The following PARD3 variants were observed in gnomAD, a reference collection of about 807,000 sequenced individuals.
The protein encoded by PARD3 is par-3 family cell polarity regulator.
PARD3 carries 75 observed loss-of-function variants against 155.4 expected under a neutral mutation model. The observed-to-expected ratio is 0.48, with a 90% CI of 0.40 to 0.58. PARD3 has a LOEUF of 0.58. Ranked by LOEUF, PARD3 falls within the 20% of genes least tolerant of loss-of-function variation. The pLI, the probability that PARD3 is intolerant of heterozygous loss-of-function variation, is 0.00. For synonymous variants in PARD3, 576 were observed against 610.5 expected (o/e 0.94, Z 0.83); for missense variants, 1,642 against 1,721.7 (o/e 0.95, Z 0.82).
At chr10:34,365,112 A>C (rs909857421) in intron 12 of PARD3, among the ~76,000 whole-genome samples, 4 of 152,258 alleles carry the variant, frequency 2.6e-5, no homozygotes, top group Non-Finnish European at 5.9e-5. Context: ...ATGCTTACCT[A>C]AACCTTCTAC....
At chr10:34,362,725 GC>G (rs1839574015) in intron 12 of PARD3, among the ~76,000 whole-genome samples, 1 of 152,188 alleles carries the variant, frequency 6.6e-6, no homozygotes, top group South Asian at 2.1e-4. Context: ...AGACTCCTGG[GC>G]TCAAGCAATC....
rs113546560 is a variant in PARD3, at chr10:34,202,307, A to C, written c.3419+67350T>G. Reference sequence around the variant, plus strand: ...AGGCTGGTCTTGAACTCTTGGCTTCAAGCAATCCTCCAGCCTTGGCCTCCC... The same window carrying C: ...AGGCTGGTCTTGAACTCTTGGCTTCCAGCAATCCTCCAGCCTTGGCCTCCC... On this transcript the variant is annotated intron_variant, in intron 22 of 24. Transcript: ENST00000374788. 8.5e-3 allele frequency among the ~76,000 whole-genome samples: 1,289 copies of C among 152,360 alleles called. 25 individuals are homozygous for C. Among genetic ancestry groups the C allele is most frequent in the African/African-American group, 0.029 (1,219 of 41,584 alleles).
rs200732960 is a variant in PARD3 at position 34,298,072 on chromosome 10, G to GTAAAATGTAA, written c.3066-13837_3066-13828dup. Among the ~76,000 whole-genome samples, 157 of 152,248 alleles carry GTAAAATGTAA rather than the reference G, an allele frequency of 1.0e-3. 4 individuals carry two copies. In the East Asian group the frequency reaches 0.025, roughly 24 times the overall value. ...TCTTTAAACCTCAATTTCCTCTTTG[G>GTAAAATGTAA]TAAAATGTAACCATCCTCACAGATT... On this transcript the variant is annotated intron_variant, in intron 20 of 24. Transcript: ENST00000374788.
chr10:34,569,261 G>T (rs2086194357), intron 2 of PARD3, among the ~76,000 whole-genome samples: 1 of 152,112 alleles, frequency 6.6e-6, no homozygotes, highest in South Asian at 2.1e-4. Flanking sequence ...GTTTGGGGAG[G>T]AAATGTTCAT....
intron 20 of PARD3, among the ~76,000 whole-genome samples, chr10:34,286,369 A>G (rs1262190497): frequency 1.3e-5 from 2 of 150,572 alleles, no homozygotes; most frequent in African/African-American, 2.4e-5. Flanking sequence ...ACGAATTAGC[A>G]TATAACAACA....
chr10:34,686,851 C>T (rs1393441971), intron 2 of PARD3, among the ~76,000 whole-genome samples: 2 of 151,928 alleles, frequency 1.3e-5, no homozygotes. Flanking sequence ...GAGTTCGAGA[C>T]CAGCTTGGCC....
At chr10:34,324,854 G>A (rs1432580734) in intron 19 of PARD3, among the ~76,000 whole-genome samples, 2 of 152,038 alleles carry the variant, frequency 1.3e-5, no homozygotes, top group South Asian at 2.1e-4. Flanking sequence ...AAGCATCATC[G>A]CTCACCTGGA....
At chr10:34,146,365 T>C (rs1277984353) in intron 22 of PARD3, among the ~76,000 whole-genome samples, 1 of 152,228 alleles carries the variant, frequency 6.6e-6, no homozygotes, top group Admixed American at 6.5e-5. Flanking sequence ...TACAGAATTA[T>C]GTCCACCACT....
intron 2 of PARD3, among the ~76,000 whole-genome samples, chr10:34,681,592 T>C (rs1211780420): frequency 3.3e-5 from 5 of 149,834 alleles, no homozygotes; most frequent in Non-Finnish European, 7.4e-5. Flanking sequence ...ACCACTGTTG[T>C]AGCTGCAAAC....
chr10:34,607,301 C>A (rs2090544499), intron 2 of PARD3, among the ~76,000 whole-genome samples: 2 of 152,152 alleles, frequency 1.3e-5, no homozygotes, highest in African/African-American at 4.8e-5. Context: ...AGGGTACACA[C>A]AAATATGCTA....
intron 23 of PARD3, among the ~76,000 whole-genome samples, chr10:34,130,867 C>T (rs1183098574): frequency 6.6e-6 from 1 of 152,154 alleles, no homozygotes; most frequent in Non-Finnish European, 1.5e-5. Flanking sequence ...TTGAGACCAG[C>T]CTGGCCAACA....
intron 22 of PARD3, among the ~76,000 whole-genome samples, chr10:34,265,901 T>TC (rs1318750550): frequency 6.6e-6 from 1 of 152,086 alleles, no homozygotes; most frequent in Admixed American, 6.5e-5. Flanking sequence ...CTGCAGAAAT[T>TC]CAACAGAGAA....
intron 1 of PARD3, among the ~76,000 whole-genome samples, chr10:34,812,999 T>C (rs1342165670): frequency 6.6e-6 from 1 of 152,174 alleles, no homozygotes; most frequent in Non-Finnish European, 1.5e-5. Flanking sequence ...CTCCTTCACC[T>C]GGAGGACCCC....
intron 5 of PARD3, among the ~76,000 whole-genome samples, chr10:34,444,596 A>C (rs956042160): frequency 1.3e-5 from 2 of 152,190 alleles, no homozygotes; most frequent in African/African-American, 4.8e-5. Context: ...GGCTATTCTG[A>C]ACAAGGTGAT....
chr10:34,512,113 C>T (rs1367180733), intron 3 of PARD3, among the ~76,000 whole-genome samples: 1 of 152,140 alleles, frequency 6.6e-6, no homozygotes, highest in Non-Finnish European at 1.5e-5. Flanking sequence ...TACCTAGATC[C>T]ATTATGTCAT....
intron 12 of PARD3, among the ~76,000 whole-genome samples, chr10:34,369,321 TTTA>T (rs1237502348): frequency 6.7e-6 from 1 of 148,216 alleles, no homozygotes; most frequent in Non-Finnish European, 1.5e-5. Context: ...TATTTGTTTA[TTTA>T]TTTATTTATT....
chr10:34,805,566 T>TATATATATAC (rs1491558472), intron 1 of PARD3, among the ~76,000 whole-genome samples: 44 of 139,934 alleles, frequency 3.1e-4, no homozygotes, highest in Non-Finnish European at 1.7e-4. Flanking sequence ...TATATATATA[T>TATATATATAC]ACACCGTACA....
intron 12 of PARD3, among the ~76,000 whole-genome samples, chr10:34,371,786 C>T (rs1265688669): frequency 6.6e-6 from 1 of 151,914 alleles, no homozygotes; most frequent in Non-Finnish European, 1.5e-5. Context: ...GAAAAAAGAT[C>T]CTGATTGTTA....
intron 16 of PARD3, among the ~76,000 whole-genome samples, chr10:34,337,700 T>G (rs945628170): frequency 4.6e-5 from 7 of 152,184 alleles, no homozygotes; most frequent in Non-Finnish European, 8.8e-5. Flanking sequence ...TTCACTCTAT[T>G]TGACAATACA....
Sources: gnomAD v4.1 joint callset for allele counts (sites outside exome capture counted in the v4.1 genomes callset) on GRCh38, gnomAD v4.1.1 for gene constraint, MANE v1.5 for transcripts, NCBI Gene and HGNC (gene_info 2026-07-23, HGNC 2026-07-21) for gene names.